A2ML1: variants seen among roughly 807,000 people sequenced by gnomAD.
A2ML1 encodes alpha-2-macroglobulin like 1, also known as alpha-2-macroglobulin-like protein 1.
Under a neutral mutation model 181.9 loss-of-function variants are expected in A2ML1, and 161 were observed. The observed-to-expected ratio is 0.89, with a 90% CI of 0.78 to 1.01. The LOEUF (loss-of-function observed/expected upper bound fraction) is 1.01, where lower values mean the gene tolerates loss of function less well. Ranked by LOEUF, A2ML1 falls within the 50% of genes least tolerant of loss-of-function variation. The pLI is 0.00. For missense variants in A2ML1, 1,670 were observed against 1,768.1 expected (o/e 0.94, Z 1.00); for synonymous variants, 663 against 666.8 (o/e 0.99, Z 0.09).
chr12:8,841,614 AT>A, intron 11 of A2ML1, 78 bp downstream of exon 11: 1 of 1,467,194 alleles, frequency 6.8e-7, no homozygotes, highest in Non-Finnish European at 9.3e-7. Context: ...CCTGTTTCCT[AT>A]TCTCCCCTCT....
chr12:8,844,153 G>A (rs750610781), intron 12 of A2ML1, among the ~76,000 whole-genome samples: 5 of 151,852 alleles, frequency 3.3e-5, no homozygotes, highest in Non-Finnish European at 7.4e-5. Flanking sequence ...AATAAAATGA[G>A]GAATTACCTG....
chr12:8,845,694 A>G (rs1592127701), intron 13 of A2ML1, among the ~76,000 whole-genome samples, 192 bp downstream of exon 13: 1 of 151,998 alleles, frequency 6.6e-6, no homozygotes, highest in East Asian at 1.9e-4. Flanking sequence ...AAAAATACAA[A>G]AAAAAATTAG....
rs774800055 is a variant in A2ML1 at position 8,823,769 on chromosome 12, C to T, written c.296C>T (p.Ser99Leu). ...GTEEVATIRV[S>L]GVGNNISFEE... ...GAAGAAGTGGCCACAATCCGGGTGT[C>T]GGGAGTTGGAAATAACATCAGCTTT... The change falls in exon 3 of 36, where the codon TCG becomes TTG. Residue 99 changes from serine (S) to leucine (L), a missense_variant. Physicochemically the swap from Ser to Leu is moderately radical, Grantham distance 145. Transcript: ENST00000299698. 22 of 1,613,854 alleles carry T rather than the reference C, an allele frequency of 1.4e-5. No individual in the cohort carries two copies. The South Asian group carries it at 1.8e-4, about 13-fold the overall frequency.
intron 4 of A2ML1, among the ~76,000 whole-genome samples, chr12:8,831,662 C>G (rs1040077539): frequency 6.6e-6 from 1 of 152,172 alleles, no homozygotes; most frequent in Non-Finnish European, 1.5e-5. Flanking sequence ...AGTAACTCAC[C>G]CAGAGCCGGC....
chr12:8,836,183 C>T lies in A2ML1; in HGVS notation c.644-72C>T, dbSNP rs1378906838. On this transcript the variant is annotated intron_variant, in intron 6 of 35. Coordinates refer to ENST00000299698, the MANE Select transcript of A2ML1 (RefSeq NM_144670.6). Reference sequence around the variant, plus strand: ...TTAATTTAATTCTCACTGTTTATACCCCTCTGCTCACTGCCTGTCTGACTG... The same window carrying T: ...TTAATTTAATTCTCACTGTTTATACTCCTCTGCTCACTGCCTGTCTGACTG... The T allele has an allele frequency of 6.5e-6, 8 of 1,236,036 alleles. No homozygotes were observed. In the Admixed American group the frequency reaches 1.2e-4, roughly 19 times the overall value. The allele number at this position is 1,236,036 out of a possible 1,614,324, so 76.6% of individuals were successfully genotyped here. A position where few individuals can be genotyped will look rare whatever the true frequency, so the allele number is the denominator to read the frequency against.
chr12:8,830,344 G>T (rs774860646), intron 4 of A2ML1, among the ~76,000 whole-genome samples: 1 of 152,088 alleles, frequency 6.6e-6, no homozygotes, highest in Non-Finnish European at 1.5e-5. Flanking sequence ...GAGCCACCAT[G>T]CTCAGCCCCC....
At chr12:8,841,021 A>AGGACGGAAGGACGGAC (rs754296235) in intron 10 of A2ML1, among the ~76,000 whole-genome samples, 1 of 122,890 alleles carries the variant, frequency 8.1e-6, no homozygotes, top group Non-Finnish European at 1.7e-5. Flanking sequence ...GACGGAAGGA[A>AGGACGGAAGGACGGAC]GGAAGGAAGG....
chr12:8,831,845 G>A (rs747315075), intron 4 of A2ML1, among the ~76,000 whole-genome samples: 2 of 152,092 alleles, frequency 1.3e-5, no homozygotes, highest in Non-Finnish European at 1.5e-5. Flanking sequence ...TGCCTCCCAG[G>A]TTCAAGTGAT....
downstream of A2ML1, among the ~76,000 whole-genome samples, chr12:8,879,352 G>A (rs770872793): frequency 5.9e-4 from 90 of 151,874 alleles, no homozygotes; most frequent in African/African-American, 1.7e-3. Flanking sequence ...TTAGCTGGGC[G>A]TGGTGGCATG....
Position 8,868,555 on chromosome 12 carries a change from C to A in A2ML1, c.4080C>A (p.Ser1360Arg). ...CTCTCAGTTATGTGGGGAGCCGTAG[C>A]TCTTCCAATATGGCTATTGTGGAAG... The part of the protein sequence containing the change: ...TIHTSYVGSR[S>R]SSNMAIVEVK... The change falls in exon 32 of 36, where the codon AGC becomes AGA. Residue 1360 changes from serine (S) to arginine (R), a missense_variant. By Grantham distance (110) the Ser-to-Arg change is moderately radical. Coordinates refer to ENST00000299698, the MANE Select transcript of A2ML1 (RefSeq NM_144670.6). 6.2e-7 allele frequency: 1 copy of A among 1,613,964 alleles called. No homozygotes were observed. Among genetic ancestry groups the A allele is most frequent in the Non-Finnish European group, 8.5e-7 (1 of 1,180,014 alleles).
chr12:8,885,222 A>G (rs1944910554), intron 7 of A2ML1, among the ~76,000 whole-genome samples: 1 of 152,160 alleles, frequency 6.6e-6, no homozygotes, highest in Admixed American at 6.6e-5. Flanking sequence ...TAATTTTAAT[A>G]TAGTTCAAGT....
chr12:8,835,741 C>T (rs1034520109), intron 6 of A2ML1, 75 bp downstream of exon 6: 22 of 1,570,964 alleles, frequency 1.4e-5, no homozygotes, highest in Non-Finnish European at 1.8e-5. Flanking sequence ...GAGCCGGGCG[C>T]AGTGGCTCAC....
chr12:8,876,285 TA>T lies in A2ML1; in HGVS notation c.*230del, dbSNP rs1565498737. On this transcript the variant is annotated 3_prime_UTR_variant, in exon 36 of 36. Coordinates refer to ENST00000299698, the MANE Select transcript of A2ML1 (RefSeq NM_144670.6). ...AGGAGGCGTTGCATGGGCAGGGTCA[TA>T]GGGGGAAGAAAGGTGGTTTAGCTGT... The T allele has an allele frequency of 2.6e-5, 4 of 152,260 alleles. No homozygotes were observed. The highest frequency in any genetic ancestry group is 2.1e-4 in the South Asian group (1 of 4,828). 9.4% of individuals were successfully genotyped at this position (152,260 alleles called of 1,614,324 possible).
In A2ML1 at chr12:8,829,769, T is replaced by C; in HGVS notation, c.452T>C (p.Val151Ala). Residue 151 changes from valine (V) to alanine (A), a missense_variant, in exon 4 of 36, where the codon GTG becomes GCG. By Grantham distance (64) the Val-to-Ala change is moderately conservative. Transcript: ENST00000299698. ...ACCATGGATAGCAACTTCGTTCCAG[T>C]GAATGACAAGGTGAGTTGGGAGGAG... is the stretch of plus-strand genomic sequence containing the variant. ...IVTMDSNFVP[V>A]NDKYSMVELQ... The C allele has an allele frequency of 1.2e-6, 2 of 1,613,522 alleles. No individual in the cohort carries two copies. The highest frequency in any genetic ancestry group is 1.7e-5 in the Admixed American group (1 of 59,976).
At chr12:8,834,849 C>A in intron 5 of A2ML1, 167 bp downstream of exon 5, 1 of 688,128 alleles carries the variant, frequency 1.5e-6, no homozygotes, top group South Asian at 1.9e-5. Context: ...TGCTTTCTTG[C>A]CTCTGCCCTC....
intron 26 of A2ML1, 22 bp from the exon 27 acceptor site, chr12:8,860,859 C>T (rs557892829): frequency 6.2e-7 from 1 of 1,612,360 alleles, no homozygotes; most frequent in South Asian, 1.1e-5. Flanking sequence ...CCCTGACTCA[C>T]TGCCTCCCTG....
chr12:8,882,323 A>G (rs1338107849), intron 7 of A2ML1, among the ~76,000 whole-genome samples: 1 of 151,920 alleles, frequency 6.6e-6, no homozygotes, highest in Non-Finnish European at 1.5e-5. Flanking sequence ...CCCTTCTCCT[A>G]CCTCCCCCTT....
intron 3 of A2ML1, among the ~76,000 whole-genome samples, chr12:8,826,755 T>G (rs1942942772): frequency 6.6e-6 from 1 of 151,822 alleles, no homozygotes; most frequent in Non-Finnish European, 1.5e-5. Flanking sequence ...AGTAGCTGGG[T>G]TTACAGGTGA....
intron 30 of A2ML1, 34 bp from the exon 31 acceptor site, chr12:8,868,196 A>G (rs1335616385): frequency 6.2e-7 from 1 of 1,612,678 alleles, no homozygotes; most frequent in South Asian, 1.1e-5. Flanking sequence ...AGTTCTTTCC[A>G]AGTCTGATTT....
Sources: allele counts gnomAD v4.1 joint callset (sites outside exome capture counted in the v4.1 genomes callset), GRCh38; gene constraint gnomAD v4.1.1; transcripts MANE v1.5; gene names NCBI Gene and HGNC (gene_info 2026-07-23, HGNC 2026-07-21).